The following CUL4A variants were observed in gnomAD, a reference collection of about 807,000 sequenced individuals.
CUL4A encodes cullin 4A.
Under a neutral mutation model 95.5 loss-of-function variants are expected in CUL4A, and 16 were observed. The observed-to-expected ratio is 0.17, with a 90% CI of 0.11 to 0.25. The LOEUF is 0.25. CUL4A is among the 10% of genes least tolerant of loss of function. The pLI is 1.00. For missense variants in CUL4A, 610 were observed against 937.0 expected (o/e 0.65, Z 4.56); for synonymous variants, 380 against 353.1 (o/e 1.08, Z -0.85).
At chr13:113,240,407 A>G (rs1488017635) in intron 10 of CUL4A, among the ~76,000 whole-genome samples, 1 of 152,224 alleles carries the variant, frequency 6.6e-6, no homozygotes, top group Non-Finnish European at 1.5e-5. Flanking sequence ...CCTCACAGAA[A>G]CAGGAGAACT....
At chr13:113,210,171 C>T in intron 2 of CUL4A, 83 bp downstream of exon 2, 1 of 915,662 alleles carries the variant, frequency 1.1e-6, no homozygotes, top group Non-Finnish European at 1.5e-6. Context: ...GGGTGCCTCG[C>T]AGGCTCTCGC....
At chr13:113,211,318 G>A (rs1274958529) in intron 2 of CUL4A, among the ~76,000 whole-genome samples, 1 of 152,180 alleles carries the variant, frequency 6.6e-6, no homozygotes, top group Non-Finnish European at 1.5e-5. Flanking sequence ...TAGTAGAATG[G>A]GTATACCACA....
intron 10 of CUL4A, among the ~76,000 whole-genome samples, chr13:113,241,471 C>T (rs559212318): frequency 4.0e-5 from 6 of 151,806 alleles, no homozygotes; most frequent in South Asian, 4.2e-4. Context: ...AGCCACACAC[C>T]GCCCCTCTCT....
At chr13:113,236,349 G>A (rs983553335) in intron 8 of CUL4A, among the ~76,000 whole-genome samples, 13 of 152,164 alleles carry the variant, frequency 8.5e-5, no homozygotes, top group Admixed American at 3.3e-4. Flanking sequence ...AGGGAAGTCC[G>A]GGGGAAATAG....
At chr13:113,258,525 A>G (rs940553688) in intron 18 of CUL4A, among the ~76,000 whole-genome samples, 2 of 152,184 alleles carry the variant, frequency 1.3e-5, no homozygotes, top group African/African-American at 4.8e-5. Flanking sequence ...TTTCTTCTGT[A>G]AGTCTTGCAT....
intron 15 of CUL4A, among the ~76,000 whole-genome samples, chr13:113,250,281 G>A (rs1287497966): frequency 3.9e-5 from 6 of 151,954 alleles, no homozygotes; most frequent in Admixed American, 6.6e-5. Flanking sequence ...GTAAAGCCCC[G>A]TCTCTACAAA....
At chr13:113,246,128 G>A in intron 15 of CUL4A, 65 bp downstream of exon 15, 1 of 1,231,276 alleles carries the variant, frequency 8.1e-7, no homozygotes, top group Non-Finnish European at 1.2e-6. Context: ...CAGATATGTT[G>A]CCTTCAAGAA....
rs919502751 is a variant in CUL4A, at chr13:113,266,726, C to A, written c.*3144C>A. 2 of 152,172 alleles carry A rather than the reference C, an allele frequency of 1.3e-5. No individual in the cohort carries two copies. Among genetic ancestry groups the A allele is most frequent in the African/African-American group, 4.8e-5 (2 of 41,440 alleles). 9.4% of individuals were successfully genotyped at this position (152,172 alleles called of 1,614,324 possible). A position where few individuals can be genotyped will look rare whatever the true frequency, so the allele number is the denominator to read the frequency against. On this transcript the variant is annotated 3_prime_UTR_variant, in exon 20 of 20. Transcript: ENST00000375440. ...GAACTGGAACTTTGCAACAACTACC[C>A]ATGCTCAGAAGTTTGGGCCACCTTG...
intron 5 of CUL4A, among the ~76,000 whole-genome samples, chr13:113,230,842 C>G (rs2041286242): frequency 6.6e-6 from 1 of 152,142 alleles, no homozygotes; most frequent in South Asian, 2.1e-4. Flanking sequence ...ACAATCATAA[C>G]TCACTGCAGC....
chr13:113,225,411 TAAC>T (rs560963350), intron 3 of CUL4A, among the ~76,000 whole-genome samples: 48 of 152,302 alleles, frequency 3.2e-4, no homozygotes, highest in African/African-American at 1.0e-3. Flanking sequence ...CTGTGGGAAA[TAAC>T]AAAAAAATTA....
At chr13:113,212,043 T>C (rs941901104) in intron 2 of CUL4A, among the ~76,000 whole-genome samples, 4 of 152,248 alleles carry the variant, frequency 2.6e-5, no homozygotes, top group African/African-American at 9.6e-5. Flanking sequence ...ATTGTAGTTT[T>C]AGTTTGCATT....
intron 3 of CUL4A, among the ~76,000 whole-genome samples, chr13:113,223,220 G>A (rs1323152259): frequency 6.6e-6 from 1 of 152,156 alleles, no homozygotes; most frequent in African/African-American, 2.4e-5. Context: ...TGTTTTTGCT[G>A]GAAGAGAGTT....
At chr13:113,210,940 A>C (rs2040409733) in intron 2 of CUL4A, among the ~76,000 whole-genome samples, 1 of 152,226 alleles carries the variant, frequency 6.6e-6, no homozygotes, top group African/African-American at 2.4e-5. Context: ...CTTTGTCTGA[A>C]GTGTAAGTGG....
Position 113,215,247 on chromosome 13 carries a change from C to T in CUL4A, c.265-3698C>T, listed in dbSNP as rs540879175. 2.0e-5 allele frequency among the ~76,000 whole-genome samples: 3 copies of T among 151,076 alleles called. 1 individual carries two copies. The South Asian group carries it at 6.3e-4, about 32-fold the overall frequency. On this transcript the variant is annotated intron_variant, in intron 2 of 19. Coordinates refer to ENST00000375440, the MANE Select transcript of CUL4A (RefSeq NM_001008895.4). ...ACATCCCGTGTGGCTGTGGAGGTCG[C>T]TGTGTGACTGTGGAGGTTGCTGTGT...
Position 113,209,676 on chromosome 13 carries a change from C to A in CUL4A, c.49C>A (p.Arg17Ser). Residue 17 changes from arginine to serine, a missense_variant, in exon 1 of 20, where the codon CGC becomes AGC. By Grantham distance (110) the Arg-to-Ser change is moderately radical (BLOSUM62 -1). Around this residue, in one of 10 missense-constraint regions of CUL4A, gnomAD observed 168 missense variants for 185.5 expected, o/e 0.91. Coordinates refer to ENST00000375440, the MANE Select transcript of CUL4A (RefSeq NM_001008895.4). ...GGGCAGCTTCTCGGCGCTCGTGGGC[C>A]GCACCAACGGCCTCACCAAGCCCGC... ...RKGSFSALVG[R>S]TNGLTKPAAL... The A allele has an allele frequency of 8.7e-7, 1 of 1,143,264 alleles. No individual in the cohort carries two copies. 70.8% of individuals were successfully genotyped at this position (1,143,264 alleles called of 1,614,324 possible). A position where few individuals can be genotyped will look rare whatever the true frequency, so the allele number is the denominator to read the frequency against.
At chr13:113,240,780 C>G (rs979959089) in intron 10 of CUL4A, among the ~76,000 whole-genome samples, 4 of 151,942 alleles carry the variant, frequency 2.6e-5, no homozygotes, top group African/African-American at 7.3e-5. Context: ...GGGTTTCGGC[C>G]GAGGTCTAGA....
At chr13:113,254,868 A>G (rs2042081986) in intron 17 of CUL4A, 70 bp downstream of exon 17, 14 of 1,593,358 alleles carry the variant, frequency 8.8e-6, no homozygotes, top group Non-Finnish European at 1.1e-5. Flanking sequence ...AAGATAAGAC[A>G]TAGACTTGGT....
intron 10 of CUL4A, among the ~76,000 whole-genome samples, chr13:113,242,729 T>A (rs1013988609): frequency 1.3e-5 from 2 of 152,116 alleles, no homozygotes; most frequent in Admixed American, 6.5e-5. Context: ...GAGGCTGCAG[T>A]GAACCGTGAT....
chr13:113,250,185 T>C (rs1332183119), intron 15 of CUL4A, among the ~76,000 whole-genome samples: 1 of 152,174 alleles, frequency 6.6e-6, no homozygotes, highest in Non-Finnish European at 1.5e-5. Flanking sequence ...CGAGGCCAGG[T>C]GCAGTGCCTC....
Sources: allele counts gnomAD v4.1 joint callset (sites outside exome capture counted in the v4.1 genomes callset), GRCh38; gene constraint gnomAD v4.1.1; regional missense constraint gnomAD v4.1.1; transcripts MANE v1.5; gene names NCBI Gene and HGNC (gene_info 2026-07-23, HGNC 2026-07-21).